The following LRRC31 variants were observed in gnomAD, a reference collection of about 807,000 sequenced individuals.
The protein encoded by LRRC31 is leucine-rich repeat-containing protein 31.
LRRC31 carries 35 observed loss-of-function variants against 46.7 expected under a neutral mutation model. The ratio of observed to expected loss-of-function variants is 0.75; its 90% confidence interval spans 0.57 to 0.99. The LOEUF is 0.99. Ranked by LOEUF, LRRC31 falls within the 50% of genes least tolerant of loss-of-function variation. The probability of loss-of-function intolerance (pLI) is 0.00; values close to 1 mark genes in which losing one functional copy is unlikely to be tolerated. For missense variants in LRRC31, 613 were observed against 626.1 expected (o/e 0.98, Z 0.22); for synonymous variants, 236 against 235.1 (o/e 1.00, Z -0.03).
intron 5 of LRRC31, among the ~76,000 whole-genome samples, chr3:169,855,428 A>G (rs1780913210): frequency 6.6e-6 from 1 of 152,172 alleles, no homozygotes; most frequent in African/African-American, 2.4e-5. Flanking sequence ...TTTCACACAC[A>G]CGCTTCCTAA....
Sources: gnomAD v4.1 joint callset for allele counts (sites outside exome capture counted in the v4.1 genomes callset) on GRCh38, gnomAD v4.1.1 for gene constraint, MANE v1.5 for transcripts, NCBI Gene and HGNC (gene_info 2026-07-23, HGNC 2026-07-21) for gene names.